Variants in LRRC4C observed in about 807,000 individuals in gnomAD.
The protein encoded by LRRC4C is leucine-rich repeat-containing protein 4C.
A neutral mutation model predicts 33.6 loss-of-function variants in LRRC4C; 5 were observed. The observed-to-expected ratio is 0.15, with a 90% CI of 0.08 to 0.31. The LOEUF (loss-of-function observed/expected upper bound fraction) is 0.31, where lower values mean the gene tolerates loss of function less well. Ranked by LOEUF, LRRC4C falls within the 10% of genes least tolerant of loss-of-function variation. LRRC4C has a pLI of 1.00. For missense variants in LRRC4C, 560 were observed against 796.7 expected, an observed-to-expected ratio of 0.70 and a Z score of 3.58; for synonymous variants, 329 against 302.0, an observed-to-expected ratio of 1.09 and a Z score of -0.93.
At chr11:40,413,598 A>T (rs760294653) in intron 3 of LRRC4C, among the ~76,000 whole-genome samples, 1 of 152,086 alleles carries the variant, frequency 6.6e-6, no homozygotes, top group Non-Finnish European at 1.5e-5. Flanking sequence ...ATAACTAATT[A>T]TGTGTGGAAT....
chr11:41,154,533 T>C (rs574368400), intron 1 of LRRC4C, among the ~76,000 whole-genome samples: 22 of 152,294 alleles, frequency 1.4e-4, no homozygotes, highest in African/African-American at 5.3e-4. Context: ...TTAAATTAAA[T>C]TGAATTATAA....
chr11:40,596,717 C>G (rs1959356983), intron 3 of LRRC4C, among the ~76,000 whole-genome samples: 1 of 152,058 alleles, frequency 6.6e-6, no homozygotes, highest in Non-Finnish European at 1.5e-5. Context: ...TGAAATTTGT[C>G]CTTCCCTGCC....
rs1311384069 is a variant in LRRC4C, at chr11:40,992,429, A to G, written c.-495-58706T>C. On this transcript the variant is annotated intron_variant, in intron 1 of 6. Coordinates refer to ENST00000528697, the MANE Select transcript of LRRC4C (RefSeq NM_001258419.2). ...GATATAAAAACAAAAGCATAAACAAAAGTGGTTTTTTTTTTTCGGATTCTC... is the reference window on the plus strand; with the variant it reads ...GATATAAAAACAAAAGCATAAACAAGAGTGGTTTTTTTTTTTCGGATTCTC... Among the ~76,000 whole-genome samples the G allele has an allele frequency of 6.0e-5, 8 of 133,906 alleles. No individual in the cohort carries two copies. In the Admixed American group the frequency reaches 6.2e-4, roughly 10 times the overall value. 87.8% of individuals were successfully genotyped at this position (133,906 alleles called of 152,430 possible).
chr11:40,942,108 C>A (rs575220822), intron 1 of LRRC4C, among the ~76,000 whole-genome samples: 1 of 152,194 alleles, frequency 6.6e-6, no homozygotes, highest in South Asian at 2.1e-4. Context: ...TAGAGAGAGT[C>A]CAGTCCTGCA....
At chr11:40,862,779 A>C (rs774000489) in intron 2 of LRRC4C, among the ~76,000 whole-genome samples, 1 of 152,172 alleles carries the variant, frequency 6.6e-6, no homozygotes, top group South Asian at 2.1e-4. Context: ...CAAGTGCTAT[A>C]TAAGGAACAG....
intron 6 of LRRC4C, among the ~76,000 whole-genome samples, chr11:40,126,164 G>GGA (rs530993651): frequency 2.2e-5 from 3 of 137,080 alleles, no homozygotes; most frequent in East Asian, 2.1e-4. Context: ...TGAGATTTAC[G>GGA]AAAAAAAAAA....
chr11:40,246,974 A>T (rs1465910294), intron 4 of LRRC4C, among the ~76,000 whole-genome samples: 2 of 152,192 alleles, frequency 1.3e-5, no homozygotes, highest in African/African-American at 2.4e-5. Context: ...AGTGGGAGAT[A>T]AAGTGAGGCT....
intron 2 of LRRC4C, among the ~76,000 whole-genome samples, chr11:40,713,282 A>G (rs747627654): frequency 1.1e-4 from 17 of 152,272 alleles, no homozygotes; most frequent in Non-Finnish European, 7.3e-5. Flanking sequence ...CTCTTAAGCA[A>G]TATTTGAAGT....
At chr11:40,911,017 C>T (rs561485628) in intron 2 of LRRC4C, among the ~76,000 whole-genome samples, 4 of 152,272 alleles carry the variant, frequency 2.6e-5, no homozygotes, top group East Asian at 1.9e-4. Context: ...CTGCCATTGC[C>T]GAGACTTGAG....
chr11:40,831,819 A>G (rs1565111817), intron 2 of LRRC4C, among the ~76,000 whole-genome samples: 1 of 152,050 alleles, frequency 6.6e-6, no homozygotes, highest in Non-Finnish European at 1.5e-5. Flanking sequence ...CAAGAACAGC[A>G]TGGGAGAAAC....
chr11:40,171,509 A>T (rs1056938253), intron 5 of LRRC4C, among the ~76,000 whole-genome samples: 21 of 152,184 alleles, frequency 1.4e-4, no homozygotes, highest in Admixed American at 4.6e-4. Flanking sequence ...TTGGCACCCA[A>T]TCAACACCCA....
At chr11:40,670,115 T>C (rs1253320344) in intron 2 of LRRC4C, among the ~76,000 whole-genome samples, 2 of 152,170 alleles carry the variant, frequency 1.3e-5, no homozygotes, top group East Asian at 3.8e-4. Flanking sequence ...CAGAAAAAAA[T>C]AGTAGTTACT....
At chr11:41,249,103 C>G (rs1295767252) in intron 1 of LRRC4C, among the ~76,000 whole-genome samples, 1 of 151,104 alleles carries the variant, frequency 6.6e-6, no homozygotes, top group African/African-American at 2.4e-5. Context: ...GGCACGATCT[C>G]GGCTCACTGC....
chr11:41,234,203 G>T (rs1947923891), intron 1 of LRRC4C, among the ~76,000 whole-genome samples: 1 of 151,876 alleles, frequency 6.6e-6, no homozygotes, highest in Non-Finnish European at 1.5e-5. Flanking sequence ...CAGTGCTAAA[G>T]AACTTTAATT....
chr11:41,080,328 G>A (rs1459116586), intron 1 of LRRC4C, among the ~76,000 whole-genome samples: 1 of 146,668 alleles, frequency 6.8e-6, no homozygotes, highest in African/African-American at 2.5e-5. Flanking sequence ...TGACCCAAAT[G>A]TCAGAGTCTC....
At chr11:40,276,973 A>G (rs145974886) in intron 4 of LRRC4C, among the ~76,000 whole-genome samples, 2 of 152,040 alleles carry the variant, frequency 1.3e-5, no homozygotes, top group South Asian at 2.1e-4. Flanking sequence ...CTATATCACT[A>G]TATCTCTTCC....
intron 1 of LRRC4C, among the ~76,000 whole-genome samples, chr11:41,208,499 A>C (rs1457422201): frequency 2.6e-5 from 4 of 152,190 alleles, no homozygotes; most frequent in Non-Finnish European, 4.4e-5. Flanking sequence ...TCTCTAAAGG[A>C]TTACCCACAG....
intron 6 of LRRC4C, among the ~76,000 whole-genome samples, chr11:40,118,184 A>C (rs1253684009): frequency 6.7e-6 from 1 of 148,364 alleles, no homozygotes; most frequent in African/African-American, 2.4e-5. Flanking sequence ...ATAATGTAAT[A>C]TTAAAAATAT....
rs182761983 is a variant in LRRC4C, at chr11:41,252,230, G to A, written c.-496+207201C>T. Among the ~76,000 whole-genome samples, 938 of 152,160 alleles carry A rather than the reference G, an allele frequency of 6.2e-3. 4 individuals carry two copies. Among genetic ancestry groups the A allele is most frequent in the Non-Finnish European group, 9.3e-3 (633 of 67,988 alleles). On this transcript the variant is annotated intron_variant, in intron 1 of 6. Coordinates refer to ENST00000528697, the MANE Select transcript of LRRC4C (RefSeq NM_001258419.2). ...TGGTAGAAAAGTGCTGGAAAATGTCGAGGAGAGGTTGGTCAATACGTTTCC... is the reference window on the plus strand; with the variant it reads ...TGGTAGAAAAGTGCTGGAAAATGTCAAGGAGAGGTTGGTCAATACGTTTCC...
Sources: allele counts gnomAD v4.1 joint callset (sites outside exome capture counted in the v4.1 genomes callset), GRCh38; gene constraint gnomAD v4.1.1; transcripts MANE v1.5; gene names NCBI Gene and HGNC (gene_info 2026-07-23, HGNC 2026-07-21).